Variants in UTS2 observed in about 807,000 individuals in gnomAD.
UTS2 encodes the protein urotensin 2.
A neutral mutation model predicts 12.6 loss-of-function variants in UTS2; 10 were observed. The ratio of observed to expected loss-of-function variants is 0.80; its 90% CI spans 0.49 to 1.35. UTS2 has a LOEUF of 1.35. UTS2 is among the 40% of genes most tolerant of loss of function. UTS2 has a pLI of 0.00. For missense variants in UTS2, 142 were observed against 143.2 expected (o/e 0.99, Z 0.04); for synonymous variants, 52 against 50.0 (o/e 1.04, Z -0.17).
the UTS2 span, among the ~76,000 whole-genome samples, chr1:7,860,629 G>T: frequency 2.0e-5 from 3 of 146,572 alleles, no homozygotes; most frequent in South Asian, 4.6e-4. Flanking sequence ...GAGCACAGTG[G>T]TGCAATCACT....
chr1:7,885,732 G>T, the UTS2 span, among the ~76,000 whole-genome samples: 36 of 152,132 alleles, frequency 2.4e-4, 1 homozygote, highest in Non-Finnish European at 4.1e-4. Context: ...GGGAAGAATG[G>T]GCATGGCCTA....
the UTS2 span, among the ~76,000 whole-genome samples, chr1:7,892,533 A>G: frequency 7.7e-6 from 1 of 130,432 alleles, no homozygotes; most frequent in Non-Finnish European, 1.5e-5. Context: ...TGGAGAGTGC[A>G]GTGGCGCAAT....
chr1:7,874,556 C>T, the UTS2 span, among the ~76,000 whole-genome samples: 7 of 152,268 alleles, frequency 4.6e-5, no homozygotes, highest in Non-Finnish European at 8.8e-5. Context: ...ATGGGTGGTG[C>T]ACCACACCAG....
the UTS2 span, among the ~76,000 whole-genome samples, chr1:7,899,349 T>C: frequency 6.6e-6 from 1 of 152,224 alleles, no homozygotes; most frequent in Admixed American, 6.5e-5. Flanking sequence ...ACCATCTTTA[T>C]CCTGTTTCAG....
At chr1:7,850,213 G>A (rs1189741028) in intron 2 of UTS2, among the ~76,000 whole-genome samples, 6 of 151,936 alleles carry the variant, frequency 3.9e-5, no homozygotes, top group African/African-American at 7.3e-5. Context: ...CAAGTGATCC[G>A]CCCACCTCAG....
At chr1:7,868,612 C>G in the UTS2 span, among the ~76,000 whole-genome samples, 1 of 152,238 alleles carries the variant, frequency 6.6e-6, no homozygotes, top group Non-Finnish European at 1.5e-5. Context: ...GCCCATGTCC[C>G]TGTCGCCCTG....
At chr1:7,885,205 G>A in the UTS2 span, among the ~76,000 whole-genome samples, 1 of 152,084 alleles carries the variant, frequency 6.6e-6, no homozygotes, top group Non-Finnish European at 1.5e-5. Context: ...TTTGGAAAGG[G>A]ACCAAAAGGG....
At chr1:7,875,231 A>C in the UTS2 span, among the ~76,000 whole-genome samples, 17 of 151,722 alleles carry the variant, frequency 1.1e-4, no homozygotes, top group South Asian at 2.1e-4. Flanking sequence ...CCCGCCACCA[A>C]GCCAAGCTAA....
chr1:7,847,907 A>C, intron 3 of UTS2, 25 bp from the exon 4 acceptor site: 1 of 1,508,766 alleles, frequency 6.6e-7, no homozygotes, highest in Non-Finnish European at 9.1e-7. Flanking sequence ...ACGAACAACA[A>C]CAACAAAAAA....
chr1:7,906,481 A>AAGAAAGAAAGAAAG, the UTS2 span, among the ~76,000 whole-genome samples: 1 of 149,960 alleles, frequency 6.7e-6, no homozygotes, highest in African/African-American at 2.5e-5. Flanking sequence ...GAAAGAAAGA[A>AAGAAAGAAAGAAAG]AGAAAGAAAG....
chr1:7,877,052 C>T, the UTS2 span, among the ~76,000 whole-genome samples: 1 of 149,988 alleles, frequency 6.7e-6, no homozygotes, highest in Admixed American at 6.7e-5. Context: ...ATTGCTTGAA[C>T]CCCAGAGGCA....
At chr1:7,893,386 G>A in the UTS2 span, among the ~76,000 whole-genome samples, 72,083 of 151,742 alleles carry the variant, frequency 0.48, 17,731 homozygotes, top group East Asian at 0.63. Context: ...TTGGAGCCCC[G>A]GCTGCTCGGG....
chr1:7,865,851 AT>A, the UTS2 span, among the ~76,000 whole-genome samples: 7 of 152,324 alleles, frequency 4.6e-5, no homozygotes, highest in East Asian at 1.3e-3. Context: ...TGGGAGGATC[AT>A]TTGAGCCCAG....
chr1:7,897,643 A>G, the UTS2 span, among the ~76,000 whole-genome samples: 4 of 151,864 alleles, frequency 2.6e-5, no homozygotes, highest in African/African-American at 4.8e-5. Flanking sequence ...CTGGAGTGCA[A>G]TGGTGCGATC....
chr1:7,875,819 C>T, the UTS2 span, among the ~76,000 whole-genome samples: 1 of 152,182 alleles, frequency 6.6e-6, no homozygotes, highest in Non-Finnish European at 1.5e-5. Flanking sequence ...GTCCCTGAGC[C>T]TGGGGATGAA....
At chr1:7,861,833 T>C in the UTS2 span, among the ~76,000 whole-genome samples, 1 of 152,128 alleles carries the variant, frequency 6.6e-6, no homozygotes, top group Non-Finnish European at 1.5e-5. Context: ...TTCATATTTC[T>C]ACTTTGGTGA....
chr1:7,884,369 A>G, the UTS2 span, among the ~76,000 whole-genome samples: 6 of 146,374 alleles, frequency 4.1e-5, no homozygotes, highest in Non-Finnish European at 7.5e-5. Flanking sequence ...CGGTGTGATC[A>G]TGACTCACTG....
chr1:7,857,296 T>G (rs940807606), upstream of UTS2, among the ~76,000 whole-genome samples: 1 of 152,122 alleles, frequency 6.6e-6, no homozygotes, highest in Non-Finnish European at 1.5e-5. Context: ...CTACTCACCC[T>G]TGCTCTCCCC....
chr1:7,896,308 C>T, the UTS2 span, among the ~76,000 whole-genome samples: 2 of 151,048 alleles, frequency 1.3e-5, no homozygotes, highest in African/African-American at 4.9e-5. Context: ...AAAATCAGTT[C>T]TAGATGGATT....
Sources: allele counts gnomAD v4.1 joint callset (sites outside exome capture counted in the v4.1 genomes callset), GRCh38; gene constraint gnomAD v4.1.1; transcripts MANE v1.5; gene names NCBI Gene and HGNC (gene_info 2026-07-23, HGNC 2026-07-21).